PLB1: variants seen among roughly 807,000 people sequenced by gnomAD.
The protein encoded by PLB1 is phospholipase B1, membrane-associated.
A neutral mutation model predicts 227.4 loss-of-function variants in PLB1; 242 were observed. The observed-to-expected ratio is 1.06, with a 90% CI of 0.96 to 1.18. The LOEUF is 1.18. Among genes scored for constraint, PLB1 ranks in the 50% most tolerant of loss-of-function variants. The probability of loss-of-function intolerance (pLI) is 0.00; values close to 1 mark genes in which losing one functional copy is unlikely to be tolerated. For synonymous variants in PLB1, 757 were observed against 682.2 expected (o/e 1.11, Z -1.71); for missense variants, 1,858 against 1,816.3 (o/e 1.02, Z -0.42).
In PLB1 at chr2:28,601,469, C is replaced by CAACACACACA. The variant is rs141173438; in HGVS notation, c.2607+137_2607+138insAACACACACA. The CAACACACACA allele has an allele frequency of 2.6e-3, 1,546 of 600,182 alleles. 25 individuals carry two copies. The African/African-American group carries it at 0.026, about 10-fold the overall frequency. 37.2% of individuals were successfully genotyped at this position (600,182 alleles called of 1,614,324 possible). The stretch of plus-strand genomic sequence containing the variant: ...ACCTATGTCTGCACATATACACATA[C>CAACACACACA]CACACACACACACACACACACACAC... On this transcript the variant is annotated intron_variant, in intron 37 of 57. Transcript: ENST00000327757.
chr2:28,564,443 G>A (rs1393402067), intron 18 of PLB1, among the ~76,000 whole-genome samples: 1 of 152,126 alleles, frequency 6.6e-6, no homozygotes, highest in Non-Finnish European at 1.5e-5. Flanking sequence ...TCCCAGGAAG[G>A]ACTGGCAGGC....
At chr2:28,591,852 A>C in intron 31 of PLB1, 92 bp downstream of exon 31, 3 of 1,280,042 alleles carry the variant, frequency 2.3e-6, no homozygotes, top group Non-Finnish European at 3.4e-6. Context: ...CACTCACTAA[A>C]TGGCACAGTG....
At position 28,548,929 on chromosome 2, in the gene PLB1, CAGGT is replaced by C. The variant is rs775878144; in HGVS notation, c.1008+2_1008+5del. 51 of 1,613,368 alleles carry C rather than the reference CAGGT, an allele frequency of 3.2e-5. No homozygotes were observed. The highest frequency in any genetic ancestry group is 8.3e-5 in the Admixed American group (5 of 60,004). ...CGGGAGGCCAATGAAGTGTCCCTCT[CAGGT>C]AGGAGGGACTGGGCAGAGGAGGGAC... On this transcript the variant is annotated splice_donor_variant and coding_sequence_variant, in exon 15 of 58. Coordinates refer to ENST00000327757, the MANE Select transcript of PLB1 (RefSeq NM_153021.5). LOFTEE classifies it high-confidence loss of function.
intron 42 of PLB1, 63 bp from the exon 43 acceptor site, chr2:28,606,433 G>A: frequency 6.7e-7 from 1 of 1,503,350 alleles, no homozygotes. Context: ...ATTCTGCCAG[G>A]GAATGTTCAC....
intron 22 of PLB1, 21 bp from the exon 23 acceptor site, chr2:28,579,606 C>T (rs72863332): frequency 6.3e-7 from 1 of 1,592,010 alleles, no homozygotes; most frequent in Non-Finnish European, 8.6e-7. Context: ...GTGCTTACTT[C>T]TGTGTTTCTA....
intron 56 of PLB1, among the ~76,000 whole-genome samples, chr2:28,638,371 CAATGTGACCAGAGG>C (rs1689608985): frequency 6.6e-6 from 1 of 152,002 alleles, no homozygotes; most frequent in South Asian, 2.1e-4. Context: ...ACTTAAAGGC[CAATGTGACCAGAGG>C]GAAGTGAACA....
At chr2:28,542,512 TG>T (rs922691176) in intron 13 of PLB1, among the ~76,000 whole-genome samples, 1 of 152,134 alleles carries the variant, frequency 6.6e-6, no homozygotes, top group African/African-American at 2.4e-5. Flanking sequence ...AGTTAATACT[TG>T]GGGGGATGTA....
At chr2:28,566,055 T>C (rs1676837816) in intron 19 of PLB1, among the ~76,000 whole-genome samples, 1 of 152,202 alleles carries the variant, frequency 6.6e-6, no homozygotes. Flanking sequence ...TTCTGCTCTG[T>C]ATGTGATCAA....
intron 26 of PLB1, among the ~76,000 whole-genome samples, chr2:28,587,292 A>G (rs569338825): frequency 2.6e-5 from 4 of 152,184 alleles, no homozygotes; most frequent in Admixed American, 2.6e-4. Flanking sequence ...GAATCATGGA[A>G]TCATGGACTT....
At chr2:28,573,817 C>A (rs1051380550) in intron 21 of PLB1, among the ~76,000 whole-genome samples, 4 of 152,212 alleles carry the variant, frequency 2.6e-5, no homozygotes, top group Non-Finnish European at 4.4e-5. Context: ...AGGAACCTCT[C>A]CCACAGGGCA....
intron 24 of PLB1, 34 bp downstream of exon 24, chr2:28,582,167 G>C (rs770067468): frequency 6.3e-7 from 1 of 1,595,342 alleles, no homozygotes; most frequent in Non-Finnish European, 8.6e-7. Context: ...CTGCATCTTA[G>C]ACCTCAGACC....
At chr2:28,584,739 C>G (rs1232352173) in intron 25 of PLB1, among the ~76,000 whole-genome samples, 1 of 152,196 alleles carries the variant, frequency 6.6e-6, no homozygotes, top group Non-Finnish European at 1.5e-5. Flanking sequence ...TGAGTCTACA[C>G]GGAGCCATCC....
At chr2:28,500,725 A>C (rs1036560125) in intron 1 of PLB1, among the ~76,000 whole-genome samples, 1 of 152,130 alleles carries the variant, frequency 6.6e-6, no homozygotes, top group African/African-American at 2.4e-5. Context: ...CAGCTCGGGC[A>C]ATATAGTGAG....
intron 9 of PLB1, among the ~76,000 whole-genome samples, chr2:28,532,589 A>G (rs984088331): frequency 6.6e-6 from 1 of 152,230 alleles, no homozygotes; most frequent in Non-Finnish European, 1.5e-5. Context: ...CATCCCTCAT[A>G]TCAGGAAAAG....
chr2:28,634,050 A>ATCTC (rs1689012879), intron 56 of PLB1, among the ~76,000 whole-genome samples: 1 of 151,974 alleles, frequency 6.6e-6, no homozygotes, highest in Non-Finnish European at 1.5e-5. Context: ...TAGCTATACC[A>ATCTC]TCTCCTCCTC....
intron 8 of PLB1, among the ~76,000 whole-genome samples, chr2:28,531,889 G>T (rs1390302687): frequency 6.6e-6 from 1 of 151,812 alleles, no homozygotes; most frequent in Non-Finnish European, 1.5e-5. Flanking sequence ...TAGATCAAAA[G>T]GTGTGTCTTT....
chr2:28,617,872 G>A (rs1686422143), intron 45 of PLB1, 85 bp downstream of exon 45: 2 of 1,350,712 alleles, frequency 1.5e-6, no homozygotes, highest in Admixed American at 1.7e-5. Context: ...ATACCCTGGA[G>A]CTTTAAGCAG....
intron 26 of PLB1, among the ~76,000 whole-genome samples, chr2:28,588,796 A>G (rs1269926875): frequency 1.3e-5 from 2 of 152,224 alleles, no homozygotes; most frequent in East Asian, 1.9e-4. Flanking sequence ...TAGGACAGAA[A>G]TAAATTGTTA....
At chr2:28,634,057 C>T (rs1689014155) in intron 56 of PLB1, among the ~76,000 whole-genome samples, 2 of 152,318 alleles carry the variant, frequency 1.3e-5, no homozygotes, top group African/African-American at 4.8e-5. Flanking sequence ...ACCATCTCCT[C>T]CTCTCTAGCA....
Sources: gnomAD v4.1 joint callset for allele counts (sites outside exome capture counted in the v4.1 genomes callset) on GRCh38, gnomAD v4.1.1 for gene constraint, MANE v1.5 for transcripts, NCBI Gene and HGNC (gene_info 2026-07-23, HGNC 2026-07-21) for gene names.